The following LRRFIP2 variants were observed in gnomAD, a reference collection of about 807,000 sequenced individuals.
The protein encoded by LRRFIP2 is leucine-rich repeat flightless-interacting protein 2.
LRRFIP2 carries 109 observed loss-of-function variants against 125.9 expected under a neutral mutation model. The ratio of observed to expected loss-of-function variants is 0.87; its 90% CI spans 0.74 to 1.01. The LOEUF is 1.01. Among genes scored for constraint, LRRFIP2 ranks in the 50% least tolerant of loss-of-function variants. LRRFIP2 has a pLI of 0.00. For missense variants in LRRFIP2, 850 were observed against 862.3 expected (o/e 0.99, Z 0.18); for synonymous variants, 291 against 293.1 (o/e 0.99, Z 0.07).
At chr3:37,118,243 A>T (rs892005406) in intron 6 of LRRFIP2, among the ~76,000 whole-genome samples, 1 of 152,078 alleles carries the variant, frequency 6.6e-6, no homozygotes, top group Non-Finnish European at 1.5e-5. Context: ...GTATTTATTT[A>T]TTTTTAGTAG....
chr3:37,121,793 C>A, intron 4 of LRRFIP2, 102 bp from the exon 5 acceptor site: 1 of 1,092,632 alleles, frequency 9.2e-7, no homozygotes, highest in South Asian at 1.3e-5. Flanking sequence ...AGCAACAACT[C>A]CTGAGAGCAG....
At chr3:37,111,543 G>A (rs144289714) in intron 8 of LRRFIP2, among the ~76,000 whole-genome samples, 64 of 152,206 alleles carry the variant, frequency 4.2e-4, no homozygotes, top group Admixed American at 6.5e-4. Flanking sequence ...AAACACTTAC[G>A]GCAGGTTCAT....
chr3:37,114,467 G>A (rs1288299535), intron 7 of LRRFIP2, among the ~76,000 whole-genome samples: 1 of 152,056 alleles, frequency 6.6e-6, no homozygotes, highest in Non-Finnish European at 1.5e-5. Flanking sequence ...TTAGGTGGGT[G>A]GCTCATCATT....
At position 37,109,579 on chromosome 3, in the gene LRRFIP2, A is replaced by G. The variant is rs1179688763; in HGVS notation, c.565-8T>C. 2.5e-6 allele frequency: 4 copies of G among 1,613,980 alleles called. No homozygotes were observed. The Admixed American group carries it at 6.7e-5, about 27-fold the overall frequency. On this transcript the variant is annotated splice_polypyrimidine_tract_variant and splice_region_variant and intron_variant, in intron 10 of 27. Transcript: ENST00000336686. ...ATTTGCAGTAGGAGAGGCCTAAGAA[A>G]AAAGTGTATTATTAAACCCCAAAAA... is the stretch of plus-strand genomic sequence containing the variant.
chr3:37,108,881 T>C (rs1576730124), intron 11 of LRRFIP2, among the ~76,000 whole-genome samples, 197 bp from the exon 12 acceptor site: 1 of 152,196 alleles, frequency 6.6e-6, no homozygotes, highest in Non-Finnish European at 1.5e-5. Flanking sequence ...CTTCATTTTT[T>C]AAAAAACACC....
At chr3:37,136,738 G>C (rs969131074) in intron 2 of LRRFIP2, among the ~76,000 whole-genome samples, 4 of 151,992 alleles carry the variant, frequency 2.6e-5, no homozygotes, top group South Asian at 2.1e-4. Context: ...CAAGGGTCAT[G>C]CTCCAAGAAA....
chr3:37,152,193 T>C (rs931401789), intron 1 of LRRFIP2, among the ~76,000 whole-genome samples: 3 of 152,204 alleles, frequency 2.0e-5, no homozygotes, highest in South Asian at 2.1e-4. Flanking sequence ...AGGCCATTAC[T>C]GTAAGTGAAG....
chr3:37,075,151 C>T, intron 19 of LRRFIP2, 35 bp from the exon 20 acceptor site: 2 of 1,450,126 alleles, frequency 1.4e-6, no homozygotes, highest in Non-Finnish European at 1.9e-6. Flanking sequence ...TTACACAGGT[C>T]ATGGCACACA....
At chr3:37,133,943 T>TAAAAATTCAG (rs977747519) in intron 2 of LRRFIP2, among the ~76,000 whole-genome samples, 1 of 152,122 alleles carries the variant, frequency 6.6e-6, no homozygotes, top group Admixed American at 6.6e-5. Context: ...AAAGTTAATA[T>TAAAAATTCAG]AAAAATTCAG....
rs1424628853 is a variant in LRRFIP2, at chr3:37,115,068, T to C, written c.358A>G (p.Arg120Gly). Residue 120 changes from arginine (R) to glycine (G), a missense_variant, in exon 7 of 28, where the codon AGA (arginine) becomes GGA (glycine). By Grantham distance (125) the Arg-to-Gly change is moderately radical. Coordinates refer to ENST00000336686, the MANE Select transcript of LRRFIP2 (RefSeq NM_006309.4). ...RYDMFKDRSS[R>G]LSSLNHSYSH... ...GTGCTACATACTAATGATGAAAGTC[T>C]TGATGATCTATCCTTGAACATATCA... 1 of 1,607,278 alleles carries C rather than the reference T, an allele frequency of 6.2e-7. No homozygotes were observed. The highest frequency in any genetic ancestry group is 1.7e-5 in the Admixed American group (1 of 59,884).
chr3:37,174,976 G>C (rs550805889), upstream of LRRFIP2: 1 of 152,282 alleles, frequency 6.6e-6, no homozygotes, highest in Non-Finnish European at 1.5e-5. Context: ...CATGACGTTG[G>C]TTAAACAGGG....
intron 1 of LRRFIP2, among the ~76,000 whole-genome samples, chr3:37,154,215 G>A (rs986249117): frequency 6.6e-6 from 1 of 152,032 alleles, no homozygotes; most frequent in African/African-American, 2.4e-5. Flanking sequence ...AGGTTTTTCC[G>A]TTCTCATGCA....
chr3:37,106,887 C>G (rs943890806), intron 13 of LRRFIP2, among the ~76,000 whole-genome samples: 1 of 150,120 alleles, frequency 6.7e-6, no homozygotes, highest in Non-Finnish European at 1.5e-5. Context: ...AATCTAATGT[C>G]CATCACAGGG....
chr3:37,084,337 T>C (rs2092878365), intron 18 of LRRFIP2, among the ~76,000 whole-genome samples: 2 of 152,108 alleles, frequency 1.3e-5, no homozygotes, highest in African/African-American at 2.4e-5. Context: ...ATTTCAATCA[T>C]GTTTAAATAA....
At chr3:37,159,888 C>G (rs952810918) in intron 1 of LRRFIP2, among the ~76,000 whole-genome samples, 1 of 137,988 alleles carries the variant, frequency 7.2e-6, no homozygotes, top group Non-Finnish European at 1.5e-5. Flanking sequence ...GGGGTTTTGA[C>G]ACAAAAATTA....
intron 1 of LRRFIP2, among the ~76,000 whole-genome samples, chr3:37,166,122 G>T (rs1196179025): frequency 1.3e-5 from 2 of 152,140 alleles, no homozygotes; most frequent in African/African-American, 4.8e-5. Flanking sequence ...ACGAGGTCAG[G>T]AGTTCAAGGC....
intron 4 of LRRFIP2, 59 bp downstream of exon 4, chr3:37,127,571 C>CAA (rs1329763150): frequency 1.1e-5 from 17 of 1,545,930 alleles, no homozygotes; most frequent in African/African-American, 4.1e-5. Context: ...TGTTTTACTT[C>CAA]AAGACTGCAT....
intron 4 of LRRFIP2, among the ~76,000 whole-genome samples, chr3:37,124,788 G>A (rs1024739707): frequency 2.0e-5 from 3 of 152,194 alleles, no homozygotes; most frequent in African/African-American, 7.2e-5. Context: ...TTTTTACTCA[G>A]AGATTCTTCC....
At chr3:37,077,915 T>C (rs1285028412) in intron 19 of LRRFIP2, among the ~76,000 whole-genome samples, 1 of 152,164 alleles carries the variant, frequency 6.6e-6, no homozygotes, top group Non-Finnish European at 1.5e-5. Context: ...TATATTATTA[T>C]ATGATTCTAC....
Sources: gnomAD v4.1 joint callset for allele counts (sites outside exome capture counted in the v4.1 genomes callset) on GRCh38, gnomAD v4.1.1 for gene constraint, MANE v1.5 for transcripts, NCBI Gene and HGNC (gene_info 2026-07-23, HGNC 2026-07-21) for gene names.